DTNA: variants seen among roughly 807,000 people sequenced by gnomAD.
DTNA encodes the protein dystrobrevin alpha.
In DTNA, 43 loss-of-function variants were observed where a neutral mutation model predicts 100.7. The ratio of observed to expected loss-of-function variants is 0.43; its 90% CI spans 0.33 to 0.55. The LOEUF (loss-of-function observed/expected upper bound fraction) is 0.55, where lower values mean the gene tolerates loss of function less well. Ranked by LOEUF, DTNA falls within the 20% of genes least tolerant of loss-of-function variation. DTNA has a pLI of 0.04. For missense variants in DTNA, 798 were observed against 953.9 expected (o/e 0.84, Z 2.15); for synonymous variants, 349 against 347.9 (o/e 1.00, Z -0.04).
intron 6 of DTNA, among the ~76,000 whole-genome samples, chr18:34,813,850 A>C (rs368874058): frequency 1.0e-3 from 152 of 152,088 alleles, no homozygotes; most frequent in African/African-American, 3.1e-3. Flanking sequence ...TCAAAAAAAA[A>C]AAAAAAAAAA....
intron 1 of DTNA, among the ~76,000 whole-genome samples, chr18:34,743,227 C>CA (rs1250660028): frequency 1.3e-5 from 2 of 152,110 alleles, no homozygotes; most frequent in Non-Finnish European, 2.9e-5. Flanking sequence ...CCGTGGTGTG[C>CA]AAAATGCCAT....
chr18:34,657,985 T>TA, intron 1 of DTNA, among the ~76,000 whole-genome samples: 1 of 152,310 alleles, frequency 6.6e-6, no homozygotes, highest in South Asian at 2.1e-4. Context: ...AGTCAGTAGT[T>TA]AAAATGGATG....
At chr18:34,767,334 A>C (rs986808524) in intron 3 of DTNA, among the ~76,000 whole-genome samples, 2 of 152,118 alleles carry the variant, frequency 1.3e-5, no homozygotes, top group Admixed American at 1.3e-4. Context: ...GCTAATCATG[A>C]CTGTGAGGAT....
chr18:34,637,482 T>C (rs1467191849), intron 1 of DTNA, among the ~76,000 whole-genome samples: 1 of 152,208 alleles, frequency 6.6e-6, no homozygotes, highest in African/African-American at 2.4e-5. Flanking sequence ...ATTTCTTACA[T>C]GTGTAAATAT....
At chr18:34,744,455 A>G (rs1009227949) in intron 1 of DTNA, among the ~76,000 whole-genome samples, 3 of 151,220 alleles carry the variant, frequency 2.0e-5, no homozygotes, top group Non-Finnish European at 4.4e-5. Context: ...TTTCTTGACC[A>G]GGAAAAAAAT....
At chr18:34,677,139 G>A (rs951101579) in intron 1 of DTNA, among the ~76,000 whole-genome samples, 22 of 152,258 alleles carry the variant, frequency 1.4e-4, no homozygotes, top group African/African-American at 5.1e-4. Flanking sequence ...GATATATGGG[G>A]TGAAGTGGGG....
chr18:34,535,649 C>G (rs2043626386), intron 1 of DTNA, among the ~76,000 whole-genome samples: 1 of 152,068 alleles, frequency 6.6e-6, no homozygotes, highest in Non-Finnish European at 1.5e-5. Flanking sequence ...GTCTTTAATT[C>G]ATCTTGAATT....
chr18:34,803,565 A>G (rs1256074235), intron 4 of DTNA, among the ~76,000 whole-genome samples: 1 of 152,176 alleles, frequency 6.6e-6, no homozygotes, highest in Non-Finnish European at 1.5e-5. Context: ...GAAGCCTCAC[A>G]TATAATGCTC....
intron 1 of DTNA, among the ~76,000 whole-genome samples, chr18:34,549,601 C>T (rs573064709): frequency 6.6e-6 from 1 of 152,022 alleles, no homozygotes; most frequent in Non-Finnish European, 1.5e-5. Context: ...TTACATCCTA[C>T]TTGTAATTCA....
intron 1 of DTNA, among the ~76,000 whole-genome samples, chr18:34,716,349 A>G (rs1014664093): frequency 7.9e-5 from 12 of 152,202 alleles, no homozygotes; most frequent in African/African-American, 2.4e-4. Context: ...ATCGCCTGAG[A>G]TCAGGAGTTG....
At chr18:34,680,329 G>A (rs927671397) in intron 1 of DTNA, among the ~76,000 whole-genome samples, 1 of 152,124 alleles carries the variant, frequency 6.6e-6, no homozygotes, top group Non-Finnish European at 1.5e-5. Flanking sequence ...TCTGATATAT[G>A]CCATTGCCAT....
At chr18:34,829,029 A>G (rs1391260222) in intron 10 of DTNA, 2 of 1,614,098 alleles carry the variant, frequency 1.2e-6, no homozygotes, top group Non-Finnish European at 1.7e-6. Context: ...AGGTCATTTT[A>G]TATCATTTCA....
intron 17 of DTNA, among the ~76,000 whole-genome samples, chr18:34,869,306 A>G (rs564036021): frequency 5.2e-4 from 79 of 152,198 alleles, no homozygotes; most frequent in South Asian, 1.0e-3. Context: ...TTTTACACAC[A>G]CTCACATACA....
rs552358805 is a variant in DTNA, at chr18:34,703,360, G to A, written c.-1-52616G>A. ...ATTAGGAGGTTCTTCCTAATGTCTC[G>A]CCTGGCAAAAACGTACTATGGTAGC... On this transcript the variant is annotated intron_variant, in intron 1 of 19. Transcript: ENST00000283365. Among the ~76,000 whole-genome samples the A allele has an allele frequency of 2.6e-4, 39 of 152,184 alleles. No homozygotes were observed. The South Asian group carries it at 3.5e-3, about 14-fold the overall frequency.
At chr18:34,637,876 G>C (rs1293372007) in intron 1 of DTNA, among the ~76,000 whole-genome samples, 2 of 152,188 alleles carry the variant, frequency 1.3e-5, no homozygotes, top group East Asian at 3.8e-4. Context: ...TGAGAGCACT[G>C]AGCTAAGCAT....
chr18:34,652,006 C>T (rs553188552), intron 1 of DTNA, among the ~76,000 whole-genome samples: 1 of 151,744 alleles, frequency 6.6e-6, no homozygotes, highest in South Asian at 2.1e-4. Flanking sequence ...GTCAAGGCTG[C>T]AGTGAGGCAT....
At chr18:34,842,184 A>C (rs1347711506) in intron 13 of DTNA, among the ~76,000 whole-genome samples, 2 of 152,120 alleles carry the variant, frequency 1.3e-5, no homozygotes, top group African/African-American at 2.4e-5. Flanking sequence ...CCAGCCCAGA[A>C]CTTCTACCTC....
At chr18:34,858,024 T>G (rs986785061) in intron 15 of DTNA, among the ~76,000 whole-genome samples, 1 of 152,194 alleles carries the variant, frequency 6.6e-6, no homozygotes, top group African/African-American at 2.4e-5. Context: ...CCTGGTGATT[T>G]AACTCAACGA....
At chr18:34,776,294 G>A (rs1037501103) in intron 3 of DTNA, among the ~76,000 whole-genome samples, 3 of 152,114 alleles carry the variant, frequency 2.0e-5, no homozygotes, top group African/African-American at 7.2e-5. Context: ...CACCCCCAAA[G>A]CATCCTCCAA....
Sources: gnomAD v4.1 joint callset for allele counts (sites outside exome capture counted in the v4.1 genomes callset) on GRCh38, gnomAD v4.1.1 for gene constraint, MANE v1.5 for transcripts, NCBI Gene and HGNC (gene_info 2026-07-23, HGNC 2026-07-21) for gene names.